The following CDK19 variants were observed in gnomAD, a reference collection of about 807,000 sequenced individuals.
The protein encoded by CDK19 is cyclin-dependent kinase 19.
In CDK19, 20 loss-of-function variants were observed where a neutral mutation model predicts 68.3. The observed-to-expected ratio is 0.29, with a 90% CI of 0.21 to 0.43. The LOEUF is 0.43. CDK19 is among the 20% of genes least tolerant of loss of function. The probability of loss-of-function intolerance (pLI) is 1.00; values close to 1 mark genes in which losing one functional copy is unlikely to be tolerated. For missense variants in CDK19, 339 were observed against 623.5 expected, an observed-to-expected ratio of 0.54 and a Z score of 4.86; for synonymous variants, 221 against 222.8, an observed-to-expected ratio of 0.99 and a Z score of 0.07.
chr6:110,739,191 T>C (rs1777468643), intron 2 of CDK19, among the ~76,000 whole-genome samples: 1 of 152,024 alleles, frequency 6.6e-6, no homozygotes, highest in Admixed American at 6.6e-5. Flanking sequence ...CTAACCAAAG[T>C]GATGATATTA....
chr6:110,809,212 CAAA>C (rs1274348322), intron 1 of CDK19, among the ~76,000 whole-genome samples: 1 of 102,500 alleles, frequency 9.8e-6, no homozygotes. Context: ...GACTCCATCT[CAAA>C]AAAAAAAAAA....
chr6:110,724,862 A>C (rs550177277), intron 2 of CDK19, among the ~76,000 whole-genome samples: 1 of 152,296 alleles, frequency 6.6e-6, no homozygotes, highest in African/African-American at 2.4e-5. Flanking sequence ...ATAAACACCT[A>C]GGTGGAAAAT....
intron 1 of CDK19, among the ~76,000 whole-genome samples, chr6:110,802,732 T>C (rs1390656918): frequency 2.0e-5 from 3 of 152,176 alleles, no homozygotes; most frequent in Non-Finnish European, 2.9e-5. Flanking sequence ...AGAGATAGTA[T>C]CTAAATTGAC....
chr6:110,720,919 T>C (rs1454215657), intron 2 of CDK19, among the ~76,000 whole-genome samples: 2 of 149,736 alleles, frequency 1.3e-5, no homozygotes, highest in African/African-American at 4.9e-5. Flanking sequence ...ACACGTCAAA[T>C]GTCACAGTTG....
intron 1 of CDK19, among the ~76,000 whole-genome samples, chr6:110,760,331 A>C (rs2114948292): frequency 7.8e-6 from 1 of 127,978 alleles, no homozygotes; most frequent in South Asian, 2.8e-4. Flanking sequence ...TGAGAGGTGG[A>C]GTTTGCAGAG....
intron 1 of CDK19, among the ~76,000 whole-genome samples, chr6:110,794,194 T>C (rs802674): frequency 0.33 from 50,126 of 151,258 alleles, 9,429 homozygotes; most frequent in East Asian, 0.68. Flanking sequence ...TAAGGGCGTC[T>C]GCCACCACGC....
chr6:110,789,195 C>T (rs1781435139), intron 1 of CDK19, among the ~76,000 whole-genome samples: 1 of 152,086 alleles, frequency 6.6e-6, no homozygotes, highest in Admixed American at 6.6e-5. Context: ...CAGTACTATA[C>T]CTTTACATTT....
intron 4 of CDK19, among the ~76,000 whole-genome samples, chr6:110,642,497 T>C (rs1377213921): frequency 1.3e-5 from 2 of 152,076 alleles, no homozygotes; most frequent in Non-Finnish European, 2.9e-5. Flanking sequence ...TACAGTCTAG[T>C]GAGAAGAGAA....
chr6:110,807,650 G>A (rs929597926), intron 1 of CDK19, among the ~76,000 whole-genome samples: 5 of 151,992 alleles, frequency 3.3e-5, no homozygotes, highest in African/African-American at 7.3e-5. Context: ...TAGTAGAGAC[G>A]GAGTTTTCGC....
intron 1 of CDK19, among the ~76,000 whole-genome samples, chr6:110,778,060 G>GT (rs2115019911): frequency 6.6e-6 from 1 of 152,254 alleles, no homozygotes; most frequent in African/African-American, 2.4e-5. Flanking sequence ...ATGGATGGTG[G>GT]TGATGGTAGC....
rs181401237 is a variant in CDK19, at chr6:110,654,666, T to C, written c.456+12768A>G. Among the ~76,000 whole-genome samples, 8 of 152,332 alleles carry C rather than the reference T, an allele frequency of 5.3e-5. No homozygotes were observed. In the East Asian group the frequency reaches 1.5e-3, roughly 29 times the overall value. ...CCAATTTGAAAAGAAGATGGCTGCG[T>C]GCAGTGGCTCATGCCTGTAATCCCA... On this transcript the variant is annotated intron_variant, in intron 4 of 12. Transcript: ENST00000368911.
At chr6:110,783,553 G>A (rs1780971311) in intron 1 of CDK19, among the ~76,000 whole-genome samples, 1 of 150,942 alleles carries the variant, frequency 6.6e-6, no homozygotes, top group Admixed American at 6.6e-5. Context: ...CAGGAGAATC[G>A]CATGAACCCA....
intron 2 of CDK19, chr6:110,722,486 C>G (rs1775972122): frequency 1.3e-5 from 2 of 149,242 alleles, no homozygotes; most frequent in Non-Finnish European, 3.0e-5. Flanking sequence ...ATCAGTGGAA[C>G]TCAGGAGTTT....
intron 1 of CDK19, among the ~76,000 whole-genome samples, chr6:110,790,894 G>T (rs968151941): frequency 4.6e-5 from 7 of 152,042 alleles, no homozygotes; most frequent in African/African-American, 1.7e-4. Flanking sequence ...AACAAGGGCC[G>T]GGTGCGGTGG....
chr6:110,776,534 A>G (rs1178219181), intron 1 of CDK19, among the ~76,000 whole-genome samples: 1 of 152,202 alleles, frequency 6.6e-6, no homozygotes, highest in Non-Finnish European at 1.5e-5. Flanking sequence ...TGAGCTGGCC[A>G]AAAGAGCCTA....
intron 2 of CDK19, among the ~76,000 whole-genome samples, chr6:110,738,521 AAAAT>A (rs1777418257): frequency 6.6e-6 from 1 of 152,192 alleles, no homozygotes; most frequent in Admixed American, 6.5e-5. Flanking sequence ...CTCTGTCTCA[AAAAT>A]AAATAAATAA....
chr6:110,620,836 A>C (rs1778664618), intron 12 of CDK19, among the ~76,000 whole-genome samples: 1 of 152,198 alleles, frequency 6.6e-6, no homozygotes, highest in Non-Finnish European at 1.5e-5. Flanking sequence ...AGGCAGCTAT[A>C]AGGGTAAAAT....
chr6:110,806,024 T>C (rs1782657508), intron 1 of CDK19, among the ~76,000 whole-genome samples: 1 of 151,582 alleles, frequency 6.6e-6, no homozygotes, highest in African/African-American at 2.4e-5. Flanking sequence ...ACAAATGATT[T>C]ATAGCTCATT....
intron 1 of CDK19, among the ~76,000 whole-genome samples, chr6:110,812,051 T>C (rs1783142050): frequency 6.6e-6 from 1 of 151,388 alleles, no homozygotes; most frequent in Non-Finnish European, 1.5e-5. Context: ...TATTCAAAAG[T>C]ATAAATATTA....
Sources: gnomAD v4.1 joint callset for allele counts (sites outside exome capture counted in the v4.1 genomes callset) on GRCh38, gnomAD v4.1.1 for gene constraint, MANE v1.5 for transcripts, NCBI Gene and HGNC (gene_info 2026-07-23, HGNC 2026-07-21) for gene names.